IRX1: variants seen among roughly 807,000 people sequenced by gnomAD.
IRX1 encodes iroquois-class homeodomain protein IRX-1.
Under a neutral mutation model 34.1 loss-of-function variants are expected in IRX1, and 22 were observed. That is an observed-to-expected ratio of 0.64 (90% CI 0.46 to 0.92). The LOEUF (loss-of-function observed/expected upper bound fraction) is 0.92. Ranked by LOEUF, IRX1 falls within the 40% of genes least tolerant of loss-of-function variation. IRX1 has a pLI of 0.00. For missense variants in IRX1, 758 were observed against 680.0 expected (o/e 1.11, Z -1.28); for synonymous variants, 363 against 319.0 (o/e 1.14, Z -1.47).
rs1013821889 is a variant in IRX1 at position 3,595,884 on chromosome 5, G to T, written c.-222G>T. Among the ~76,000 whole-genome samples, 16 of 151,148 alleles carry T rather than the reference G, an allele frequency of 1.1e-4. No individual in the cohort carries two copies. The highest frequency in any genetic ancestry group is 3.4e-4 in the African/African-American group (14 of 41,446). ...AGGGCGGCCGCCGCAGTCGGCGCGCGATTGCGGATCCGGGCGCAGCCGGGA... is the reference window on the plus strand; with the variant it reads ...AGGGCGGCCGCCGCAGTCGGCGCGCTATTGCGGATCCGGGCGCAGCCGGGA... On this transcript the variant is annotated 5_prime_UTR_variant, in exon 1 of 4. Transcript: ENST00000302006.
chr5:3,600,915 G>T, intron 3 of IRX1, 68 bp from the exon 4 acceptor site: 6 of 1,523,180 alleles, frequency 3.9e-6, no homozygotes, highest in African/African-American at 1.4e-5. Context: ...TGGAACCGGC[G>T]TCGCCCGGCG....
In IRX1 at chr5:3,596,387, T is replaced by A; in HGVS notation, c.276+6T>A. On this transcript the variant is annotated splice_donor_region_variant and intron_variant, in intron 1 of 3. Coordinates refer to ENST00000302006, the MANE Select transcript of IRX1 (RefSeq NM_024337.4). ...TCAGCCTCTTCTCGCAGATGGTGAG[T>A]GCGCCCGGCCTCCCCCGCTTCTCCT... 1 of 1,513,360 alleles carries A rather than the reference T, an allele frequency of 6.6e-7. No individual in the cohort carries two copies. Among genetic ancestry groups the A allele is most frequent in the Non-Finnish European group, 8.8e-7 (1 of 1,132,876 alleles). 93.7% of individuals were successfully genotyped at this position (1,513,360 alleles called of 1,614,324 possible).
rs759260211 is a variant in IRX1 at position 3,599,737 on chromosome 5, G to T, written c.789G>T (p.Arg263=). The change falls in exon 2 of 4, where the codon CGG becomes CGT. Residue 263 remains arginine (R), a synonymous_variant. Transcript: ENST00000302006. The surrounding 1 kb of genome is among the most constrained non-coding windows in gnomAD (Gnocchi z 6.6). ...CCGCAGCCCCTTCTGCTCTTGCCCG[G>T]GACCAAGGCTCGCCGCTGGCAGCAG... ...HAPAAPSALA[R]DQGSPLAAAD... 9 of 1,611,678 alleles carry T rather than the reference G, an allele frequency of 5.6e-6. No individual in the cohort carries two copies. The Admixed American group carries it at 1.5e-4, about 27-fold the overall frequency.
intron 2 of IRX1, 140 bp from the exon 3 acceptor site, chr5:3,600,469 C>A: frequency 1.1e-6 from 1 of 907,352 alleles, no homozygotes; most frequent in African/African-American, 1.7e-5. Context: ...GGCGGGCCTG[C>A]TACGGGGTGG....
Position 3,600,014 on chromosome 5 carries a change from G to A in IRX1, c.1066G>A (p.Ala356Thr), listed in dbSNP as rs754557120. The change falls in exon 2 of 4, where the codon GCC becomes ACC. Residue 356 changes from alanine (A) to threonine (T), a missense_variant. Around this residue, in one of 3 missense-constraint regions of IRX1, gnomAD observed 529 missense variants for 418.8 expected, o/e 1.26. Transcript: ENST00000302006. ...CGCCGGGGCGCCGCTGCAACACCCCGCCTTCCTGCCTAGCCACGGACTGTA... is the reference window on the plus strand; with the variant it reads ...CGCCGGGGCGCCGCTGCAACACCCCACCTTCCTGCCTAGCCACGGACTGTA... ...PSAGAPLQHP[A>T]FLPSHGLYTC... is the part of the protein sequence containing the mutation. 1.3e-6 allele frequency: 2 copies of A among 1,545,602 alleles called. No individual in the cohort carries two copies. The highest frequency in any genetic ancestry group is 1.8e-6 in the Non-Finnish European group (2 of 1,142,088).
chr5:3,596,650 C>A (rs1392230958), intron 1 of IRX1, among the ~76,000 whole-genome samples: 1 of 152,106 alleles, frequency 6.6e-6, no homozygotes, highest in South Asian at 2.1e-4. Context: ...TCAGAGAGGC[C>A]GCAGAAGCAG....
At position 3,599,635 on chromosome 5, in the gene IRX1, C is replaced by G. The variant is rs758614856; in HGVS notation, c.687C>G (p.Asp229Glu). ...DDEEIDLESI[D>E]IDKIDEHDGD... Reference sequence around the variant, plus strand: ...AGGAGATCGACCTGGAAAGCATCGACATTGACAAGATCGACGAGCACGATG... The same window carrying G: ...AGGAGATCGACCTGGAAAGCATCGAGATTGACAAGATCGACGAGCACGATG... The change falls in exon 2 of 4, where the codon GAC (aspartate) becomes GAG (glutamate). Residue 229 changes from aspartate to glutamate, a missense_variant. By Grantham distance (45) the Asp-to-Glu change is conservative. Around this residue, in one of 3 missense-constraint regions of IRX1, gnomAD observed 529 missense variants for 418.8 expected, o/e 1.26. Transcript: ENST00000302006. The surrounding 1 kb of genome is among the most constrained non-coding windows in gnomAD (Gnocchi z 6.6). 5 of 1,614,002 alleles carry G rather than the reference C, an allele frequency of 3.1e-6. No homozygotes were observed. The highest frequency in any genetic ancestry group is 4.2e-6 in the Non-Finnish European group (5 of 1,180,034).
chr5:3,599,979 A>G lies in IRX1; in HGVS notation c.1031A>G (p.His344Arg). 6.6e-7 allele frequency: 1 copy of G among 1,511,862 alleles called. No individual in the cohort carries two copies. Among genetic ancestry groups the G allele is most frequent in the East Asian group, 2.5e-5 (1 of 40,076 alleles). The allele number at this position is 1,511,862 out of a possible 1,614,324, so 93.7% of individuals were successfully genotyped here. The change falls in exon 2 of 4, where the codon CAC becomes CGC. Residue 344 changes from histidine to arginine, a missense_variant. His to Arg is a conservative substitution (Grantham distance 29). Around this residue, in one of 3 missense-constraint regions of IRX1, gnomAD observed 529 missense variants for 418.8 expected, o/e 1.26. Coordinates refer to ENST00000302006, the MANE Select transcript of IRX1 (RefSeq NM_024337.4). The surrounding 1 kb of genome is among the most constrained non-coding windows in gnomAD (Gnocchi z 6.6). The stretch of plus-strand genomic sequence containing the variant: ...CCACCCGCGGGCCACCCCGGCGCGC[A>G]CGGGCCCTCCGCCGGGGCGCCGCTG... ...PPPPAGHPGAHGPSAGAPLQH... is the reference protein window; with the variant it reads ...PPPPAGHPGARGPSAGAPLQH...
In IRX1 at chr5:3,600,211, G is replaced by A. The variant is rs781749854; in HGVS notation, c.1263G>A (p.Gly421=). ...PPQPPVAIAP[G]ALNGDKASVR... ...AGCCGCCGGTCGCTATTGCCCCGGG[G>A]GCACTCAATGGAGACAAGGCCTCGG... Residue 421 remains glycine (G), a synonymous_variant, in exon 2 of 4, where the codon GGG becomes GGA. Coordinates refer to ENST00000302006, the MANE Select transcript of IRX1 (RefSeq NM_024337.4). 4.3e-6 allele frequency: 7 copies of A among 1,610,246 alleles called. No individual in the cohort carries two copies. The highest frequency in any genetic ancestry group is 5.9e-6 in the Non-Finnish European group (7 of 1,178,886).
rs1354894464 is a variant in IRX1, at chr5:3,596,372, C to A, written c.267C>A (p.Phe89Leu). ...FLPYAADLSL[F>L]SQMGSQYELK... ...CCTACGCCGCGGATCTCAGCCTCTT[C>A]TCGCAGATGGTGAGTGCGCCCGGCC... Residue 89 changes from phenylalanine to leucine, a missense_variant, in exon 1 of 4, where the codon TTC (phenylalanine) becomes TTA (leucine). Physicochemically the swap from Phe to Leu is conservative, Grantham distance 22. Transcript: ENST00000302006. The A allele has an allele frequency of 3.3e-6, 5 of 1,536,780 alleles. No homozygotes were observed. In the African/African-American group the frequency reaches 5.7e-5, roughly 18 times the overall value.
At position 3,600,110 on chromosome 5, in the gene IRX1, A is replaced by C. The variant is rs766110747; in HGVS notation, c.1162A>C (p.Met388Leu). ...AFLAQGSLLN[M>L]RSFLGVGAPH... ...CCTCGCACAGGGCTCCCTGCTCAACATGCGCTCCTTCCTGGGCGTTGGCGC... is the reference window on the plus strand; with the variant it reads ...CCTCGCACAGGGCTCCCTGCTCAACCTGCGCTCCTTCCTGGGCGTTGGCGC... Residue 388 changes from methionine to leucine, a missense_variant, in exon 2 of 4, where the codon ATG becomes CTG. Around this residue, in one of 3 missense-constraint regions of IRX1, gnomAD observed 529 missense variants for 418.8 expected, o/e 1.26. Transcript: ENST00000302006. 7 of 1,613,304 alleles carry C rather than the reference A, an allele frequency of 4.3e-6. No homozygotes were observed. The highest frequency in any genetic ancestry group is 1.1e-5 in the South Asian group (1 of 91,070).
rs1448480544 is a variant in IRX1, at chr5:3,599,249, A to G, written c.301A>G (p.Asn101Asp). ...QMGSQYELKDNPGVHPATFAA... is the reference protein window; with the variant it reads ...QMGSQYELKDDPGVHPATFAA... The stretch of plus-strand genomic sequence containing the variant: ...GGGCTCGCAGTATGAACTGAAGGAC[A>G]ACCCTGGGGTGCACCCCGCCACCTT... The change falls in exon 2 of 4, where the codon AAC becomes GAC. Residue 101 changes from asparagine to aspartate, a missense_variant. By Grantham distance (23) the Asn-to-Asp change is conservative. This residue lies in a region of IRX1 where 195 missense variants were observed against 195.0 expected (regional missense o/e 1.00). Transcript: ENST00000302006. The surrounding 1 kb of genome is among the most constrained non-coding windows in gnomAD (Gnocchi z 6.6). The G allele has an allele frequency of 1.9e-6, 3 of 1,613,502 alleles. No homozygotes were observed. Among genetic ancestry groups the G allele is most frequent in the Admixed American group, 3.3e-5 (2 of 60,004 alleles).
intron 3 of IRX1, 46 bp downstream of exon 3, chr5:3,600,727 GGGA>G (rs748241797): frequency 6.4e-7 from 1 of 1,552,534 alleles, no homozygotes; most frequent in Non-Finnish European, 8.9e-7. Context: ...GTGGGGAGGG[GGGA>G]GGAGGAGTGG....
At chr5:3,600,369 C>A in intron 2 of IRX1, 109 bp downstream of exon 2, 1 of 1,130,306 alleles carries the variant, frequency 8.8e-7, no homozygotes, top group Non-Finnish European at 1.2e-6. Context: ...AGGCAGTGGC[C>A]GCTGAGCCCT....
chr5:3,598,602 T>A (rs184406071), intron 1 of IRX1, among the ~76,000 whole-genome samples: 1 of 152,366 alleles, frequency 6.6e-6, no homozygotes, highest in East Asian at 1.9e-4. Flanking sequence ...AAAGACCTTT[T>A]AATGTGGGTA....
rs956911558 is a variant in IRX1, at chr5:3,597,346, G to A, written c.276+965G>A. Among the ~76,000 whole-genome samples the A allele has an allele frequency of 1.3e-4, 20 of 152,166 alleles. 1 individual carries two copies. Among genetic ancestry groups the A allele is most frequent in the African/African-American group, 4.8e-4 (20 of 41,452 alleles). ...TGGTGAATTGTGCGGCGGGCGCGGG[G>A]CCCTGGGAGGCAGCCCCCTCCTGGG... On this transcript the variant is annotated intron_variant, in intron 1 of 3. Coordinates refer to ENST00000302006, the MANE Select transcript of IRX1 (RefSeq NM_024337.4).
At chr5:3,598,714 A>G (rs563371686) in intron 1 of IRX1, among the ~76,000 whole-genome samples, 3 of 152,158 alleles carry the variant, frequency 2.0e-5, no homozygotes, top group Non-Finnish European at 4.4e-5. Flanking sequence ...GTTTATTTTG[A>G]TTGAGCCCCC....
In IRX1 at chr5:3,600,180, C is replaced by G. The variant is rs1387511903; in HGVS notation, c.1232C>G (p.Pro411Arg). The change falls in exon 2 of 4, where the codon CCA becomes CGA. Residue 411 changes from proline (P) to arginine (R), a missense_variant. Pro to Arg is a moderately radical substitution (Grantham distance 103, BLOSUM62 -2). This residue lies in a region of IRX1 where 529 missense variants were observed against 418.8 expected (regional missense o/e 1.26). Transcript: ENST00000302006. ...GGCCCTCACCTTCCTGCACCTCCAC[C>G]ACCGCAGCCGCCGGTCGCTATTGCC... Reference protein sequence around the residue: ...PHGPHLPAPPPPQPPVAIAPG... With the variant: ...PHGPHLPAPPRPQPPVAIAPG... The G allele has an allele frequency of 1.2e-6, 2 of 1,612,130 alleles. No homozygotes were observed. Among genetic ancestry groups the G allele is most frequent in the South Asian group, 2.2e-5 (2 of 91,046 alleles).
Position 3,596,139 on chromosome 5 carries a change from C to A in IRX1, c.34C>A (p.Leu12Met). The change falls in exon 1 of 4, where the codon CTG (leucine) becomes ATG (methionine). Residue 12 changes from leucine to methionine, a missense_variant. By Grantham distance (15) the Leu-to-Met change is conservative. Transcript: ENST00000302006. Reference protein sequence around the residue: ...SFPQLGYPQYLSAAGPGAYGG... With the variant: ...SFPQLGYPQYMSAAGPGAYGG... ...CCCGCAGCTGGGCTACCCGCAGTAC[C>A]TGAGCGCCGCGGGGCCGGGCGCCTA... 6.7e-6 allele frequency: 7 copies of A among 1,042,266 alleles called. No individual in the cohort carries two copies. In the South Asian group the frequency reaches 2.2e-4, roughly 33 times the overall value. The allele number at this position is 1,042,266 out of a possible 1,614,324, so 64.6% of individuals were successfully genotyped here. A position where few individuals can be genotyped will look rare whatever the true frequency, so the allele number is the denominator to read the frequency against.
Sources: allele counts gnomAD v4.1 joint callset (sites outside exome capture counted in the v4.1 genomes callset), GRCh38; gene constraint gnomAD v4.1.1; regional missense constraint gnomAD v4.1.1; non-coding constraint Gnocchi (gnomAD v3.1); transcripts MANE v1.5; gene names NCBI Gene and HGNC (gene_info 2026-07-23, HGNC 2026-07-21).